Variants in NOS1AP observed in about 807,000 individuals in gnomAD.
NOS1AP encodes the protein carboxyl-terminal PDZ ligand of neuronal nitric oxide synthase protein.
NOS1AP carries 21 observed loss-of-function variants against 56.2 expected under a neutral mutation model. The ratio of observed to expected loss-of-function variants is 0.37; its 90% CI spans 0.26 to 0.54. The LOEUF (loss-of-function observed/expected upper bound fraction) is 0.54, where lower values mean the gene tolerates loss of function less well. Among genes scored for constraint, NOS1AP ranks in the 20% least tolerant of loss-of-function variants. The pLI is 0.84. For synonymous variants in NOS1AP, 270 were observed against 274.6 expected, an observed-to-expected ratio of 0.98 and a Z score of 0.17; for missense variants, 522 against 657.8, an observed-to-expected ratio of 0.79 and a Z score of 2.26.
chr1:162,303,431 T>A (rs1296135770), intron 4 of NOS1AP, among the ~76,000 whole-genome samples: 1 of 152,194 alleles, frequency 6.6e-6, no homozygotes, highest in Non-Finnish European at 1.5e-5. Flanking sequence ...TAATGACTAA[T>A]ATTAAATATC....
intron 2 of NOS1AP, among the ~76,000 whole-genome samples, chr1:162,279,588 C>T (rs746860137): frequency 6.6e-6 from 1 of 152,216 alleles, no homozygotes; most frequent in African/African-American, 2.4e-5. Context: ...GTTTTTCTGT[C>T]CTCACTGGTA....
chr1:162,116,838 G>T (rs1210302501), intron 1 of NOS1AP, among the ~76,000 whole-genome samples: 1 of 152,160 alleles, frequency 6.6e-6, no homozygotes, highest in Admixed American at 6.5e-5. Context: ...ACTCCCAACA[G>T]CTGCATCCTT....
intron 4 of NOS1AP, among the ~76,000 whole-genome samples, chr1:162,330,533 A>T (rs1656731369): frequency 6.6e-6 from 1 of 152,206 alleles, no homozygotes; most frequent in South Asian, 2.1e-4. Context: ...AGATGCACAC[A>T]CCTAGTTCTG....
intron 2 of NOS1AP, among the ~76,000 whole-genome samples, chr1:162,173,052 CT>C (rs756088699): frequency 2.0e-5 from 3 of 152,136 alleles, no homozygotes; most frequent in Non-Finnish European, 4.4e-5. Context: ...CTGCAGCCCC[CT>C]GAGTAGCTAG....
intron 2 of NOS1AP, among the ~76,000 whole-genome samples, 154 bp from the exon 3 acceptor site, chr1:162,287,190 C>T (rs1655115754): frequency 6.6e-6 from 1 of 152,148 alleles, no homozygotes; most frequent in Admixed American, 6.5e-5. Flanking sequence ...AGACATCCAC[C>T]TGCTTTTACA....
At position 162,287,400 on chromosome 1, in the gene NOS1AP, G is replaced by A; in HGVS notation, c.234G>A (p.Val78=). Residue 78 remains valine, a synonymous_variant, in exon 3 of 10, where the codon GTG becomes GTA. Coordinates refer to ENST00000361897, the MANE Select transcript of NOS1AP (RefSeq NM_014697.3). ...KKKKVSIMVS[V]DGVKVILKKK... Reference sequence around the variant, plus strand: ...AGAAAGTGAGCATTATGGTTTCAGTGGATGGAGTGAAAGTGATTCTGAAGA... The same window carrying A: ...AGAAAGTGAGCATTATGGTTTCAGTAGATGGAGTGAAAGTGATTCTGAAGA... The A allele has an allele frequency of 6.2e-7, 1 of 1,613,212 alleles. No homozygotes were observed. The highest frequency in any genetic ancestry group is 8.5e-7 in the Non-Finnish European group (1 of 1,179,186).
At chr1:162,260,405 T>C (rs1654167923) in intron 2 of NOS1AP, among the ~76,000 whole-genome samples, 1 of 152,192 alleles carries the variant, frequency 6.6e-6, no homozygotes, top group African/African-American at 2.4e-5. Flanking sequence ...TCTCTAGGGC[T>C]TGGTATTCAG....
chr1:162,103,534 T>C (rs1647387819), intron 1 of NOS1AP, among the ~76,000 whole-genome samples: 1 of 152,190 alleles, frequency 6.6e-6, no homozygotes, highest in African/African-American at 2.4e-5. Flanking sequence ...CAGTGGGGTA[T>C]TGAAGTCTCC....
chr1:162,171,696 A>G (rs1650789838), intron 2 of NOS1AP, among the ~76,000 whole-genome samples: 1 of 152,032 alleles, frequency 6.6e-6, no homozygotes, highest in African/African-American at 2.4e-5. Context: ...CAGGCTCTCC[A>G]GCCTCTCTTT....
In NOS1AP at chr1:162,332,970, G is replaced by T; in HGVS notation, c.345-47G>T. On this transcript the variant is annotated intron_variant, in intron 4 of 9. Coordinates refer to ENST00000361897, the MANE Select transcript of NOS1AP (RefSeq NM_014697.3). ...ACAGAGCTTTCCTGGTTGGAGATTT[G>T]AACCTAAGGCCATTTTCAGTGCATT... 2.2e-6 allele frequency: 3 copies of T among 1,358,176 alleles called. No homozygotes were observed. The South Asian group carries it at 3.5e-5, about 16-fold the overall frequency. 84.1% of individuals were successfully genotyped at this position (1,358,176 alleles called of 1,614,324 possible).
At chr1:162,103,753 C>G (rs114203332) in intron 1 of NOS1AP, among the ~76,000 whole-genome samples, 2,254 of 152,222 alleles carry the variant, frequency 0.015, 27 homozygotes, top group Non-Finnish European at 0.023. Context: ...GATTGTGACC[C>G]TTATTTTTTT....
At chr1:162,314,655 A>G (rs1656173009) in intron 4 of NOS1AP, among the ~76,000 whole-genome samples, 1 of 152,236 alleles carries the variant, frequency 6.6e-6, no homozygotes, top group South Asian at 2.1e-4. Flanking sequence ...AGTCCATCAG[A>G]TGGTCTTGAC....
At position 162,154,492 on chromosome 1, in the gene NOS1AP, T is replaced by A. The variant is rs1347779051; in HGVS notation, c.177+16T>A. On this transcript the variant is annotated intron_variant, in intron 2 of 9. Coordinates refer to ENST00000361897, the MANE Select transcript of NOS1AP (RefSeq NM_014697.3). ...CCGGATACGGGTGAGTGGCCAGAGG[T>A]GGACTGTGTGGAGCGGGGAGTCAAG... is the stretch of plus-strand genomic sequence containing the variant. 5.0e-6 allele frequency: 8 copies of A among 1,613,326 alleles called. No homozygotes were observed. The highest frequency in any genetic ancestry group is 6.8e-6 in the Non-Finnish European group (8 of 1,179,480).
intron 8 of NOS1AP, chr1:162,360,489 G>A: frequency 3.5e-6 from 1 of 286,864 alleles, no homozygotes; most frequent in South Asian, 3.4e-5. Context: ...AGTAGGCCAG[G>A]TCTATTCACA....
chr1:162,272,739 T>C (rs553639843), intron 2 of NOS1AP, among the ~76,000 whole-genome samples: 1 of 152,220 alleles, frequency 6.6e-6, no homozygotes, highest in Admixed American at 6.5e-5. Flanking sequence ...AAGTAGTTGG[T>C]TCAGTGTTGC....
intron 1 of NOS1AP, among the ~76,000 whole-genome samples, chr1:162,115,269 G>A (rs551527942): frequency 6.6e-6 from 1 of 152,286 alleles, no homozygotes; most frequent in Non-Finnish European, 1.5e-5. Context: ...TACTGTAAGT[G>A]TATAAGGGAA....
intron 3 of NOS1AP, among the ~76,000 whole-genome samples, chr1:162,293,220 C>A (rs1434361366): frequency 6.9e-6 from 1 of 144,592 alleles, no homozygotes; most frequent in Non-Finnish European, 1.6e-5. Context: ...GTTTATGTGG[C>A]CTTTGCAATT....
chr1:162,095,019 A>G (rs1692207789), intron 1 of NOS1AP, among the ~76,000 whole-genome samples: 1 of 152,214 alleles, frequency 6.6e-6, no homozygotes, highest in Non-Finnish European at 1.5e-5. Flanking sequence ...ATTTTGTGTC[A>G]TGAATGTGAG....
intron 2 of NOS1AP, among the ~76,000 whole-genome samples, chr1:162,280,323 A>C (rs934354528): frequency 6.6e-6 from 1 of 152,254 alleles, no homozygotes; most frequent in Non-Finnish European, 1.5e-5. Context: ...TTTCATAAGA[A>C]TCTATCTTGT....
Sources: allele counts gnomAD v4.1 joint callset (sites outside exome capture counted in the v4.1 genomes callset), GRCh38; gene constraint gnomAD v4.1.1; transcripts MANE v1.5; gene names NCBI Gene and HGNC (gene_info 2026-07-23, HGNC 2026-07-21).